The following CNTNAP2 variants were observed in gnomAD, a reference collection of about 807,000 sequenced individuals.
The protein encoded by CNTNAP2 is contactin associated protein 2, also known as contactin-associated protein-like 2.
Under a neutral mutation model 155.2 loss-of-function variants are expected in CNTNAP2, and 98 were observed. That is an observed-to-expected ratio of 0.63 (90% confidence interval 0.54 to 0.75). The LOEUF (loss-of-function observed/expected upper bound fraction) is 0.75, where lower values mean the gene tolerates loss of function less well. Ranked by LOEUF, CNTNAP2 falls within the 30% of genes least tolerant of loss-of-function variation. The pLI is 0.00. For synonymous variants in CNTNAP2, 651 were observed against 631.2 expected (o/e 1.03, Z -0.47); for missense variants, 1,727 against 1,688.1 (o/e 1.02, Z -0.40).
At chr7:146,302,067 C>G (rs1800621529) in intron 1 of CNTNAP2, among the ~76,000 whole-genome samples, 1 of 152,056 alleles carries the variant, frequency 6.6e-6, no homozygotes, top group South Asian at 2.1e-4. Flanking sequence ...AGTAGTTTGT[C>G]AGTGGTTGTA....
intron 4 of CNTNAP2, among the ~76,000 whole-genome samples, chr7:147,087,952 A>C (rs1174987043): frequency 2.6e-5 from 4 of 152,074 alleles, no homozygotes; most frequent in African/African-American, 7.2e-5. Context: ...ACTCCAGCCT[A>C]GGCAACACAG....
At chr7:147,029,349 TATC>T (rs1407161196) in intron 3 of CNTNAP2, among the ~76,000 whole-genome samples, 3 of 152,040 alleles carry the variant, frequency 2.0e-5, no homozygotes, top group Admixed American at 6.5e-5. Context: ...ATTATTTCAT[TATC>T]ATCAGTTACC....
chr7:147,762,815 G>A (rs924193492), intron 13 of CNTNAP2, among the ~76,000 whole-genome samples: 1 of 151,674 alleles, frequency 6.6e-6, no homozygotes, highest in African/African-American at 2.4e-5. Context: ...GGAAGGGAAG[G>A]AAAGGAAGAA....
chr7:148,245,148 G>A (rs1263942316), intron 20 of CNTNAP2, among the ~76,000 whole-genome samples: 1 of 152,090 alleles, frequency 6.6e-6, no homozygotes, highest in African/African-American at 2.4e-5. Flanking sequence ...TTTCCTGTGG[G>A]CATGATGCCA....
intron 11 of CNTNAP2, among the ~76,000 whole-genome samples, chr7:147,552,571 A>AAC (rs34755315): frequency 0.042 from 6,026 of 142,914 alleles, 122 homozygotes; most frequent in African/African-American, 0.054. Flanking sequence ...TACTTTCCTC[A>AAC]ACACACACAC....
intron 20 of CNTNAP2, among the ~76,000 whole-genome samples, chr7:148,261,727 A>G (rs1796565926): frequency 6.6e-6 from 1 of 152,168 alleles, no homozygotes; most frequent in Non-Finnish European, 1.5e-5. Context: ...AGGGCGGTTC[A>G]GACACACGTC....
chr7:147,645,907 G>A (rs934685634), intron 13 of CNTNAP2, among the ~76,000 whole-genome samples: 1 of 152,166 alleles, frequency 6.6e-6, no homozygotes, highest in Non-Finnish European at 1.5e-5. Context: ...ACTTGAAGGT[G>A]GGAGAGGCAG....
rs1182859380 is a variant in CNTNAP2 at position 146,790,609 on chromosome 7, G to A, written c.208+16228G>A. ...TTGTAAGACGGAGTCTCGCTCTGTC[G>A]CCCAGGCTGGAGTGCAGTGGCGCGA... is the stretch of plus-strand genomic sequence containing the variant. On this transcript the variant is annotated intron_variant, in intron 2 of 23. Transcript: ENST00000361727. Among the ~76,000 whole-genome samples the A allele has an allele frequency of 4.1e-5, 6 of 147,108 alleles. No homozygotes were observed. In the South Asian group the frequency reaches 8.5e-4, roughly 21 times the overall value.
intron 8 of CNTNAP2, among the ~76,000 whole-genome samples, chr7:147,247,163 AT>A (rs1441271556): frequency 6.6e-6 from 1 of 152,196 alleles, no homozygotes; most frequent in Non-Finnish European, 1.5e-5. Flanking sequence ...TTATTATAAC[AT>A]TTTTACATTA....
intron 1 of CNTNAP2, among the ~76,000 whole-genome samples, chr7:146,512,652 T>C (rs1797484430): frequency 6.6e-6 from 1 of 151,984 alleles, no homozygotes; most frequent in African/African-American, 2.4e-5. Context: ...AAAAGATATT[T>C]AATACTTGAC....
rs549944512 is a variant in CNTNAP2 at position 146,567,988 on chromosome 7, T to C, written c.98-206283T>C. On this transcript the variant is annotated intron_variant, in intron 1 of 23. Transcript: ENST00000361727. ...TTAAAGTGTTTTTCAAATTTGACAA[T>C]GTAGAAAACTATAATATTTTATTTC... Among the ~76,000 whole-genome samples, 66 of 152,292 alleles carry C rather than the reference T, an allele frequency of 4.3e-4. No individual in the cohort carries two copies. The Middle Eastern group carries it at 0.01, about 24-fold the overall frequency.
chr7:146,409,781 C>T (rs1795841013), intron 1 of CNTNAP2, among the ~76,000 whole-genome samples: 1 of 152,152 alleles, frequency 6.6e-6, no homozygotes, highest in Admixed American at 6.5e-5. Flanking sequence ...ACAAAAACCA[C>T]TCTTCGAAAA....
intron 13 of CNTNAP2, among the ~76,000 whole-genome samples, chr7:147,779,451 GA>G (rs1156908009): frequency 2.6e-5 from 4 of 151,828 alleles, no homozygotes; most frequent in Admixed American, 6.6e-5. Context: ...TAGAGTAGAA[GA>G]AAAAAAGATC....
At chr7:146,594,015 A>G (rs1277602336) in intron 1 of CNTNAP2, among the ~76,000 whole-genome samples, 2 of 152,270 alleles carry the variant, frequency 1.3e-5, no homozygotes, top group East Asian at 1.9e-4. Flanking sequence ...AGGGAATGAT[A>G]TCTGATGACC....
chr7:147,493,134 G>A (rs978786212), intron 11 of CNTNAP2, among the ~76,000 whole-genome samples: 6 of 151,928 alleles, frequency 3.9e-5, no homozygotes, highest in African/African-American at 1.5e-4. Flanking sequence ...CTCTTCATTC[G>A]GTACACAGGC....
At chr7:147,458,484 T>C (rs1283814589) in intron 10 of CNTNAP2, among the ~76,000 whole-genome samples, 1 of 152,096 alleles carries the variant, frequency 6.6e-6, no homozygotes, top group Non-Finnish European at 1.5e-5. Context: ...TCAGTGAAAA[T>C]GAAAATGAAG....
intron 8 of CNTNAP2, among the ~76,000 whole-genome samples, chr7:147,156,675 G>A (rs1262331415): frequency 1.3e-5 from 2 of 152,152 alleles, no homozygotes; most frequent in African/African-American, 4.8e-5. Flanking sequence ...ACAAGGATAT[G>A]TCAAGGACTG....
At chr7:147,037,668 G>A (rs1247713997) in intron 3 of CNTNAP2, among the ~76,000 whole-genome samples, 1 of 151,842 alleles carries the variant, frequency 6.6e-6, no homozygotes, top group African/African-American at 2.4e-5. Flanking sequence ...TCACCATGTT[G>A]GCCAACTTCT....
At chr7:147,139,902 G>A (rs1801560435) in intron 8 of CNTNAP2, among the ~76,000 whole-genome samples, 1 of 152,010 alleles carries the variant, frequency 6.6e-6, no homozygotes, top group Admixed American at 6.6e-5. Flanking sequence ...GGTAAACATG[G>A]TATCAGGAAA....
Sources: gnomAD v4.1 joint callset for allele counts (sites outside exome capture counted in the v4.1 genomes callset) on GRCh38, gnomAD v4.1.1 for gene constraint, MANE v1.5 for transcripts, NCBI Gene and HGNC (gene_info 2026-07-23, HGNC 2026-07-21) for gene names.